ARHGAP10: variants seen among roughly 807,000 people sequenced by gnomAD.
The protein encoded by ARHGAP10 is rho GTPase-activating protein 10.
ARHGAP10 carries 87 observed loss-of-function variants against 108.6 expected under a neutral mutation model. That is an observed-to-expected ratio of 0.80 (90% CI 0.67 to 0.96). The LOEUF is 0.96. ARHGAP10 is among the 40% of genes least tolerant of loss of function. The pLI is 0.00. For synonymous variants in ARHGAP10, 347 were observed against 341.1 expected (o/e 1.02, Z -0.19); for missense variants, 939 against 954.5 (o/e 0.98, Z 0.21).
chr4:147,984,038 G>A (rs528425150), intron 18 of ARHGAP10, among the ~76,000 whole-genome samples: 7 of 152,210 alleles, frequency 4.6e-5, no homozygotes, highest in Non-Finnish European at 8.8e-5. Context: ...GTTTGGCTAC[G>A]TTTCTGGGTA....
rs193145598 is a variant in ARHGAP10, at chr4:148,000,223, C to T, written c.1717-23040C>T. ...ATAGTTTGCTGAGAAGGATGGTTTC[C>T]AGCTTCATCCATGTCCCTACAAAGG... On this transcript the variant is annotated intron_variant, in intron 18 of 22. Coordinates refer to ENST00000336498, the MANE Select transcript of ARHGAP10 (RefSeq NM_024605.4). Among the ~76,000 whole-genome samples, 1,042 of 152,150 alleles carry T rather than the reference C, an allele frequency of 6.8e-3. 9 individuals are homozygous for T. Among genetic ancestry groups the T allele is most frequent in the African/African-American group, 0.024 (990 of 41,480 alleles).
At chr4:147,899,946 A>C (rs995027357) in intron 10 of ARHGAP10, among the ~76,000 whole-genome samples, 1 of 148,484 alleles carries the variant, frequency 6.7e-6, no homozygotes, top group Non-Finnish European at 1.5e-5. Flanking sequence ...TGTTACCATT[A>C]TAAGTTTTGA....
intron 19 of ARHGAP10, among the ~76,000 whole-genome samples, chr4:148,027,896 G>A (rs1560881971): frequency 6.6e-6 from 1 of 151,806 alleles, no homozygotes; most frequent in Non-Finnish European, 1.5e-5. Context: ...CCATTTGGAA[G>A]TTTTTTTTGC....
At chr4:147,766,151 G>A (rs1444949623) in intron 1 of ARHGAP10, among the ~76,000 whole-genome samples, 2 of 152,102 alleles carry the variant, frequency 1.3e-5, no homozygotes, top group African/African-American at 4.8e-5. Flanking sequence ...TTAGCCAGGT[G>A]TGGTGGTGGG....
intron 18 of ARHGAP10, among the ~76,000 whole-genome samples, chr4:147,998,785 G>T (rs1406865628): frequency 6.6e-6 from 1 of 152,190 alleles, no homozygotes; most frequent in Non-Finnish European, 1.5e-5. Context: ...ATACTTCAAT[G>T]AAACAGAAAT....
At chr4:147,752,271 C>A (rs551590264) in intron 1 of ARHGAP10, among the ~76,000 whole-genome samples, 1 of 151,932 alleles carries the variant, frequency 6.6e-6, no homozygotes, top group African/African-American at 2.4e-5. Flanking sequence ...TGTGTAAAGT[C>A]GTGGGGTTGT....
chr4:148,026,330 C>T (rs1300167451), intron 19 of ARHGAP10, among the ~76,000 whole-genome samples: 2 of 152,144 alleles, frequency 1.3e-5, no homozygotes, highest in South Asian at 2.1e-4. Context: ...TAGGATGGGC[C>T]TGGATGCAGA....
At chr4:148,021,205 C>T (rs1206648339) in intron 18 of ARHGAP10, among the ~76,000 whole-genome samples, 1 of 152,138 alleles carries the variant, frequency 6.6e-6, no homozygotes. Context: ...CAGTCCTCTG[C>T]AGGGTCTCAT....
intron 18 of ARHGAP10, among the ~76,000 whole-genome samples, chr4:147,971,486 G>A (rs1441686766): frequency 1.3e-5 from 2 of 152,188 alleles, no homozygotes; most frequent in South Asian, 2.1e-4. Flanking sequence ...TCAGAGGAGA[G>A]TTTATGTTCA....
At position 147,902,787 on chromosome 4, in the gene ARHGAP10, TG is replaced by T. The variant is rs755023696; in HGVS notation, c.1035-3850del. Among the ~76,000 whole-genome samples, 323 of 151,944 alleles carry T rather than the reference TG, an allele frequency of 2.1e-3. 3 individuals are homozygous for T. Among genetic ancestry groups the T allele is most frequent in the Non-Finnish European group, 5.9e-4 (40 of 67,970 alleles). ...AAGGGAGGTTTAATTGACTTAGTTT[TG>T]TAGGCTGTACAGGAACAGGAGGCAT... On this transcript the variant is annotated intron_variant, in intron 10 of 22. Transcript: ENST00000336498.
At chr4:148,032,327 T>TTCTCCCCC (rs1728184362) in intron 19 of ARHGAP10, among the ~76,000 whole-genome samples, 1 of 31,832 alleles carries the variant, frequency 3.1e-5, no homozygotes. Context: ...ATTTCAACTG[T>TTCTCCCCC]CCCCCCCCCC....
chr4:147,762,536 A>AT (rs1219897911), intron 1 of ARHGAP10, among the ~76,000 whole-genome samples: 2 of 149,510 alleles, frequency 1.3e-5, no homozygotes, highest in African/African-American at 5.0e-5. Flanking sequence ...TTATTTATTT[A>AT]TTTATTTTTT....
chr4:147,855,367 G>A (rs1734039662), intron 4 of ARHGAP10, among the ~76,000 whole-genome samples: 1 of 149,552 alleles, frequency 6.7e-6, no homozygotes, highest in South Asian at 2.1e-4. Flanking sequence ...TTTTCTGTTA[G>A]TTGTTAAAAT....
intron 3 of ARHGAP10, among the ~76,000 whole-genome samples, chr4:147,829,035 T>G (rs1201378967): frequency 1.4e-5 from 2 of 143,906 alleles, no homozygotes; most frequent in African/African-American, 5.1e-5. Flanking sequence ...CCTGCCACCA[T>G]GCCTGGCTAA....
intron 13 of ARHGAP10, among the ~76,000 whole-genome samples, chr4:147,924,993 A>T (rs1737407166): frequency 6.6e-6 from 1 of 151,992 alleles, no homozygotes; most frequent in African/African-American, 2.4e-5. Context: ...TTAAAATAGC[A>T]ATTTACATTG....
In ARHGAP10 at chr4:147,866,824, A is replaced by C; in HGVS notation, c.702+8A>C. On this transcript the variant is annotated splice_region_variant and intron_variant, in intron 7 of 22. Transcript: ENST00000336498. ...CAGATCAACATTCAGAATGTAAGGA[A>C]GTGAAAGCTTTCTTTATAAAAAGAT... 1 of 1,570,646 alleles carries C rather than the reference A, an allele frequency of 6.4e-7. No individual in the cohort carries two copies. The highest frequency in any genetic ancestry group is 8.7e-7 in the Non-Finnish European group (1 of 1,147,200).
rs113273845 is a variant in ARHGAP10 at position 148,063,357 on chromosome 4, T to TGAACAA, written c.2180+61_2180+62insAAGAAC. 6.9e-6 allele frequency: 11 copies of TGAACAA among 1,603,698 alleles called. No homozygotes were observed. The African/African-American group carries it at 8.0e-5, about 12-fold the overall frequency. On this transcript the variant is annotated intron_variant, in intron 21 of 22. Transcript: ENST00000336498. ...GTGGCAGCACACACAGGGGGCTTGATGAACCTGAGCAGGTTCTTGTGTTCT... is the reference window on the plus strand; with the variant it reads ...GTGGCAGCACACACAGGGGGCTTGATGAACAAGAACCTGAGCAGGTTCTTGTGTTCT...
chr4:147,828,712 C>G (rs1056858942), intron 3 of ARHGAP10, among the ~76,000 whole-genome samples: 1 of 152,172 alleles, frequency 6.6e-6, no homozygotes, highest in Admixed American at 6.5e-5. Context: ...TGCATAGCCC[C>G]TTCCTTTCCC....
At chr4:147,900,444 C>A (rs1335832490) in intron 10 of ARHGAP10, among the ~76,000 whole-genome samples, 1 of 152,082 alleles carries the variant, frequency 6.6e-6, no homozygotes, top group Non-Finnish European at 1.5e-5. Context: ...GGCAGCTTGC[C>A]CTTTTTCACT....
Sources: gnomAD v4.1 joint callset for allele counts (sites outside exome capture counted in the v4.1 genomes callset) on GRCh38, gnomAD v4.1.1 for gene constraint, MANE v1.5 for transcripts, NCBI Gene and HGNC (gene_info 2026-07-23, HGNC 2026-07-21) for gene names.